CACNB4: variants seen among roughly 807,000 people sequenced by gnomAD.
CACNB4 encodes the protein calcium voltage-gated channel auxiliary subunit beta 4, also known as voltage-dependent L-type calcium channel subunit beta-4.
CACNB4 carries 32 observed loss-of-function variants against 71.2 expected under a neutral mutation model. That is an observed-to-expected ratio of 0.45 (90% CI 0.34 to 0.60). The LOEUF (loss-of-function observed/expected upper bound fraction) is 0.60. Among genes scored for constraint, CACNB4 ranks in the 20% least tolerant of loss-of-function variants. The pLI, the probability that CACNB4 is intolerant of heterozygous loss-of-function variation, is 0.01. For synonymous variants in CACNB4, 231 were observed against 236.9 expected, an observed-to-expected ratio of 0.97 and a Z score of 0.23; for missense variants, 464 against 647.9, an observed-to-expected ratio of 0.72 and a Z score of 3.08.
intron 2 of CACNB4, among the ~76,000 whole-genome samples, chr2:151,995,508 C>T (rs148910386): frequency 1.2e-4 from 19 of 152,278 alleles, no homozygotes; most frequent in African/African-American, 4.6e-4. Flanking sequence ...AAAGTCTGTA[C>T]CATCCTGGCT....
At chr2:152,091,916 T>C (rs933115744) in intron 2 of CACNB4, among the ~76,000 whole-genome samples, 1 of 152,248 alleles carries the variant, frequency 6.6e-6, no homozygotes, top group South Asian at 2.1e-4. Flanking sequence ...CTCTAAATTC[T>C]TCAACTGATG....
chr2:151,937,655 T>C (rs1002869284), intron 2 of CACNB4, among the ~76,000 whole-genome samples: 1 of 152,204 alleles, frequency 6.6e-6, no homozygotes. Flanking sequence ...GGGTCATTCA[T>C]GCTCCCCATT....
At position 152,006,334 on chromosome 2, in the gene CACNB4, G is replaced by A. The variant is rs536602254; in HGVS notation, c.147+91996C>T. 1.6e-4 allele frequency among the ~76,000 whole-genome samples: 25 copies of A among 151,894 alleles called. No individual in the cohort carries two copies. In the East Asian group the frequency reaches 4.3e-3, roughly 26 times the overall value. The stretch of plus-strand genomic sequence containing the variant: ...ACTTGTCTCACATTTGTTACCTGCT[G>A]GCCTCTGAAAACACTTGAGTTTGAG... On this transcript the variant is annotated intron_variant, in intron 2 of 13. Coordinates refer to ENST00000539935, the MANE Select transcript of CACNB4 (RefSeq NM_000726.5).
chr2:151,986,493 C>T (rs183580653), intron 2 of CACNB4, among the ~76,000 whole-genome samples: 29 of 152,242 alleles, frequency 1.9e-4, no homozygotes, highest in Non-Finnish European at 2.1e-4. Flanking sequence ...AATCCCACTC[C>T]CATCTCTAAG....
At chr2:151,915,093 TG>T (rs2099857117) in intron 2 of CACNB4, among the ~76,000 whole-genome samples, 3 of 152,202 alleles carry the variant, frequency 2.0e-5, no homozygotes, top group Admixed American at 2.0e-4. Flanking sequence ...CTAAGTTTGC[TG>T]GTCCACAGAG....
intron 2 of CACNB4, among the ~76,000 whole-genome samples, chr2:151,892,001 G>A (rs2099850827): frequency 6.6e-6 from 1 of 152,126 alleles, no homozygotes; most frequent in South Asian, 2.1e-4. Flanking sequence ...ATTAGACCCG[G>A]CACAAGGTCT....
intron 10 of CACNB4, chr2:151,860,349 C>G: frequency 7.7e-6 from 2 of 260,400 alleles, no homozygotes; most frequent in Non-Finnish European, 1.4e-5. Flanking sequence ...AGGCTGAACA[C>G]CTCGTTTCCT....
At chr2:152,074,546 A>G (rs1686889214) in intron 2 of CACNB4, among the ~76,000 whole-genome samples, 1 of 148,078 alleles carries the variant, frequency 6.8e-6, no homozygotes, top group Non-Finnish European at 1.5e-5. Context: ...CAGCAGCACC[A>G]CCACAACCGT....
intron 2 of CACNB4, among the ~76,000 whole-genome samples, chr2:152,044,760 A>G (rs1040956930): frequency 2.0e-5 from 3 of 152,142 alleles, no homozygotes; most frequent in South Asian, 2.1e-4. Context: ...CCATCCTTTC[A>G]TGAGCCTGGC....
At chr2:151,865,390 C>T (rs1051167167) in intron 9 of CACNB4, among the ~76,000 whole-genome samples, 5 of 152,118 alleles carry the variant, frequency 3.3e-5, no homozygotes, top group African/African-American at 7.2e-5. Flanking sequence ...GTAGGTTACA[C>T]GATGTTCATC....
chr2:151,886,927 G>C (rs141381523), intron 2 of CACNB4, among the ~76,000 whole-genome samples: 1 of 152,210 alleles, frequency 6.6e-6, no homozygotes, highest in East Asian at 1.9e-4. Context: ...ACAGAGGGAA[G>C]AGCAAGTGAG....
intron 10 of CACNB4, 168 bp downstream of exon 10, chr2:151,860,543 A>G (rs1405949644): frequency 9.5e-6 from 6 of 629,994 alleles, no homozygotes; most frequent in African/African-American, 7.5e-5. Context: ...AGCTCTCGCT[A>G]CTGCAAGACT....
intron 2 of CACNB4, among the ~76,000 whole-genome samples, chr2:152,087,397 A>T (rs901809781): frequency 3.4e-5 from 5 of 146,776 alleles, no homozygotes; most frequent in Non-Finnish European, 7.4e-5. Flanking sequence ...GTGCAACTGC[A>T]CTCCAGCCTC....
chr2:151,887,582 T>C (rs143159029), intron 2 of CACNB4, among the ~76,000 whole-genome samples: 1 of 152,258 alleles, frequency 6.6e-6, no homozygotes, highest in East Asian at 1.9e-4. Context: ...AGTGAAACAA[T>C]GTAAGGGCTT....
intron 2 of CACNB4, among the ~76,000 whole-genome samples, chr2:151,902,502 G>C (rs918063990): frequency 2.6e-5 from 4 of 151,912 alleles, no homozygotes; most frequent in Non-Finnish European, 5.9e-5. Context: ...AATGAAAAAG[G>C]GCTCTTCACG....
intron 2 of CACNB4, among the ~76,000 whole-genome samples, chr2:152,007,881 G>C (rs2139418): frequency 0.99 from 150,490 of 152,190 alleles, 74,436 homozygotes; most frequent in Middle Eastern, 1. Context: ...AAGTGGTTCT[G>C]CTGCTTCAGT....
rs1686898860 is a variant in CACNB4 at position 152,074,641 on chromosome 2, CTAT to C, written c.147+23686_147+23688del. 9.3e-5 allele frequency among the ~76,000 whole-genome samples: 11 copies of C among 117,878 alleles called. 1 individual carries two copies. The highest frequency in any genetic ancestry group is 2.7e-4 in the South Asian group (1 of 3,760). The allele number at this position is 117,878 out of a possible 152,430, so 77.3% of individuals were successfully genotyped here. A position where few individuals can be genotyped will look rare whatever the true frequency, so the allele number is the denominator to read the frequency against. ...CATCACCCCCTCACCATTACCACCTCTATCATCACCATCACCCCCTCACCATTA... is the reference window on the plus strand; with the variant it reads ...CATCACCCCCTCACCATTACCACCTCCATCACCATCACCCCCTCACCATTA... On this transcript the variant is annotated intron_variant, in intron 2 of 13. Coordinates refer to ENST00000539935, the MANE Select transcript of CACNB4 (RefSeq NM_000726.5).
At chr2:152,053,312 T>C (rs1402747618) in intron 2 of CACNB4, among the ~76,000 whole-genome samples, 1 of 152,092 alleles carries the variant, frequency 6.6e-6, no homozygotes, top group Non-Finnish European at 1.5e-5. Context: ...CATACCTACT[T>C]AATGAAGCTC....
chr2:152,074,896 G>A (rs10803934), intron 2 of CACNB4, among the ~76,000 whole-genome samples: 51,556 of 151,732 alleles, frequency 0.34, 9,763 homozygotes, highest in East Asian at 0.81. Flanking sequence ...TAATATCACC[G>A]TGATCACCAC....
Sources: allele counts gnomAD v4.1 joint callset (sites outside exome capture counted in the v4.1 genomes callset), GRCh38; gene constraint gnomAD v4.1.1; transcripts MANE v1.5; gene names NCBI Gene and HGNC (gene_info 2026-07-23, HGNC 2026-07-21).